SRGAP1: variants seen among roughly 807,000 people sequenced by gnomAD.
SRGAP1 encodes the protein SLIT-ROBO Rho GTPase activating protein 1, also known as SLIT-ROBO Rho GTPase-activating protein 1.
SRGAP1 carries 43 observed loss-of-function variants against 121.9 expected under a neutral mutation model. The observed-to-expected ratio is 0.35, with a 90% CI of 0.28 to 0.46. SRGAP1 has a LOEUF of 0.46. Among genes scored for constraint, SRGAP1 ranks in the 20% least tolerant of loss-of-function variants. The pLI is 1.00. For synonymous variants in SRGAP1, 447 were observed against 485.4 expected (o/e 0.92, Z 1.04); for missense variants, 1,102 against 1,350.9 (o/e 0.82, Z 2.89).
intron 1 of SRGAP1, among the ~76,000 whole-genome samples, chr12:63,931,458 T>A: frequency 6.6e-6 from 1 of 152,218 alleles, no homozygotes; most frequent in South Asian, 2.1e-4. Flanking sequence ...CTGCAGTAAG[T>A]TGAATTTTTT....
intron 1 of SRGAP1, among the ~76,000 whole-genome samples, chr12:63,973,253 T>C (rs2033007637): frequency 1.3e-5 from 2 of 152,246 alleles, no homozygotes; most frequent in Non-Finnish European, 2.9e-5. Flanking sequence ...CATTCTAATA[T>C]ATTCTAAACA....
At chr12:63,940,506 G>C (rs1054643049) in intron 1 of SRGAP1, among the ~76,000 whole-genome samples, 16 of 151,852 alleles carry the variant, frequency 1.1e-4, no homozygotes, top group African/African-American at 2.9e-4. Flanking sequence ...GGGGTTTGCT[G>C]TCTGGAATTG....
At chr12:63,901,679 A>G (rs1195856975) in intron 1 of SRGAP1, among the ~76,000 whole-genome samples, 2 of 152,192 alleles carry the variant, frequency 1.3e-5, no homozygotes, top group Admixed American at 6.5e-5. Context: ...CTTTAATGGG[A>G]CAAACTGCTA....
chr12:64,062,936 A>T lies in SRGAP1; in HGVS notation c.821A>T (p.His274Leu), dbSNP rs2035476295. The change falls in exon 7 of 22, where the codon CAT (histidine) becomes CTT (leucine). Residue 274 changes from histidine (H) to leucine (L), a missense_variant. Around this residue, in one of 3 missense-constraint regions of SRGAP1, gnomAD observed 747 missense variants for 929.4 expected, o/e 0.80. Transcript: ENST00000355086. ...TTTAAGTGCTGTGATCTTGGCTACC[A>T]TGCAAGTCTGAACAGAGCCCTAAGA... Reference protein sequence around the residue: ...DLIDCCDLGYHASLNRALRTY... With the variant: ...DLIDCCDLGYLASLNRALRTY... The T allele has an allele frequency of 6.2e-7, 1 of 1,612,732 alleles. No individual in the cohort carries two copies. Among genetic ancestry groups the T allele is most frequent in the African/African-American group, 1.3e-5 (1 of 74,890 alleles).
In SRGAP1 at chr12:64,039,578, A is replaced by G. The variant is rs909177793; in HGVS notation, c.490-3212A>G. Among the ~76,000 whole-genome samples, 6 of 151,394 alleles carry G rather than the reference A, an allele frequency of 4.0e-5. No individual in the cohort carries two copies. In the South Asian group the frequency reaches 1.0e-3, roughly 26 times the overall value. ...TTCATCCAAGTGTAATGAGAGTCACATGTTCTCATTTCCTCACTCCTATTA... is the reference window on the plus strand; with the variant it reads ...TTCATCCAAGTGTAATGAGAGTCACGTGTTCTCATTTCCTCACTCCTATTA... On this transcript the variant is annotated intron_variant, in intron 4 of 21. Transcript: ENST00000355086.
At chr12:64,112,411 T>C (rs2036444130) in intron 17 of SRGAP1, among the ~76,000 whole-genome samples, 1 of 152,194 alleles carries the variant, frequency 6.6e-6, no homozygotes, top group Non-Finnish European at 1.5e-5. Context: ...ATTCTTAACT[T>C]TTCATTTTCA....
At chr12:64,104,255 T>C (rs2036304174) in intron 15 of SRGAP1, among the ~76,000 whole-genome samples, 1 of 152,202 alleles carries the variant, frequency 6.6e-6, no homozygotes, top group Non-Finnish European at 1.5e-5. Context: ...GTTGGGACGC[T>C]AACATGAGAA....
At chr12:64,075,919 C>CAAA (rs752705333) in intron 8 of SRGAP1, among the ~76,000 whole-genome samples, 1 of 126,964 alleles carries the variant, frequency 7.9e-6, no homozygotes, top group African/African-American at 2.8e-5. Flanking sequence ...TTATTTTGTT[C>CAAA]AAAAAAAAAA....
At chr12:64,121,104 CCTGGGG>C (rs1198916393) in intron 18 of SRGAP1, among the ~76,000 whole-genome samples, 2 of 150,938 alleles carry the variant, frequency 1.3e-5, no homozygotes, top group Non-Finnish European at 1.5e-5. Context: ...GCCTCAACCT[CCTGGGG>C]CCAAGTGATC....
intron 1 of SRGAP1, among the ~76,000 whole-genome samples, chr12:63,915,778 A>G (rs999128860): frequency 6.6e-6 from 1 of 152,190 alleles, no homozygotes; most frequent in African/African-American, 2.4e-5. Context: ...GGAAAACCAA[A>G]TGTGATTTGC....
chr12:63,868,908 G>T (rs190850886), intron 1 of SRGAP1, among the ~76,000 whole-genome samples: 13 of 152,224 alleles, frequency 8.5e-5, no homozygotes, highest in Admixed American at 5.9e-4. Context: ...TTTGTTGTTG[G>T]TGGTGGCATT....
At chr12:63,862,932 T>C (rs1050005602) in intron 1 of SRGAP1, among the ~76,000 whole-genome samples, 3 of 152,154 alleles carry the variant, frequency 2.0e-5, no homozygotes, top group Non-Finnish European at 2.9e-5. Context: ...GTTCTGCCCA[T>C]TCCCTGTTCT....
At chr12:63,947,368 A>G (rs1460602257) in intron 1 of SRGAP1, among the ~76,000 whole-genome samples, 1 of 152,080 alleles carries the variant, frequency 6.6e-6, no homozygotes, top group Non-Finnish European at 1.5e-5. Flanking sequence ...CTTAATTTGC[A>G]TTTTCCTAGC....
chr12:64,115,983 A>G, intron 18 of SRGAP1, 90 bp downstream of exon 18: 2 of 1,214,576 alleles, frequency 1.6e-6, no homozygotes, highest in African/African-American at 1.5e-5. Context: ...GGCAAAGCAC[A>G]GTGGCTCCTA....
At chr12:63,913,518 T>C (rs147146221) in intron 1 of SRGAP1, among the ~76,000 whole-genome samples, 2,238 of 146,078 alleles carry the variant, frequency 0.015, 57 homozygotes, top group African/African-American at 0.051. Flanking sequence ...TATATATATA[T>C]ACATATATGT....
At chr12:63,894,626 C>T (rs1434505627) in intron 1 of SRGAP1, among the ~76,000 whole-genome samples, 1 of 152,076 alleles carries the variant, frequency 6.6e-6, no homozygotes, top group African/African-American at 2.4e-5. Flanking sequence ...TCCCCACTTC[C>T]CCACCCCACG....
intron 1 of SRGAP1, among the ~76,000 whole-genome samples, chr12:63,922,466 T>G (rs934924838): frequency 5.9e-5 from 9 of 152,194 alleles, no homozygotes; most frequent in African/African-American, 2.2e-4. Context: ...TCAATGAAGT[T>G]TCTCTTTACT....
intron 3 of SRGAP1, among the ~76,000 whole-genome samples, chr12:64,014,732 G>T (rs771006868): frequency 6.6e-6 from 1 of 151,878 alleles, no homozygotes; most frequent in Non-Finnish European, 1.5e-5. Flanking sequence ...ATTTTCTTGG[G>T]TTAACGTTTC....
intron 21 of SRGAP1, 141 bp downstream of exon 21, chr12:64,128,341 C>T (rs2036733354): frequency 4.6e-6 from 4 of 876,212 alleles, no homozygotes; most frequent in Non-Finnish European, 6.7e-6. Flanking sequence ...GAAACAAAAC[C>T]AGCTCATTCT....
Sources: gnomAD v4.1 joint callset for allele counts (sites outside exome capture counted in the v4.1 genomes callset) on GRCh38, gnomAD v4.1.1 for gene constraint, gnomAD v4.1.1 regional missense constraint, MANE v1.5 for transcripts, NCBI Gene and HGNC (gene_info 2026-07-23, HGNC 2026-07-21) for gene names.